Variants in TCF12 observed in about 807,000 individuals in gnomAD.
TCF12 encodes DNA-binding protein HTF4.
A neutral mutation model predicts 86.0 loss-of-function variants in TCF12; 45 were observed. The ratio of observed to expected loss-of-function variants is 0.52; its 90% CI spans 0.41 to 0.67. The LOEUF is 0.67. Ranked by LOEUF, TCF12 falls within the 30% of genes least tolerant of loss-of-function variation. The pLI is 0.00. For missense variants in TCF12, 881 were observed against 859.9 expected, an observed-to-expected ratio of 1.02 and a Z score of -0.31; for synonymous variants, 330 against 299.6, an observed-to-expected ratio of 1.10 and a Z score of -1.05.
At chr15:56,997,139 A>G (rs1224485921) in intron 3 of TCF12, among the ~76,000 whole-genome samples, 2 of 152,178 alleles carry the variant, frequency 1.3e-5, no homozygotes, top group African/African-American at 4.8e-5. Flanking sequence ...ACTCAAAGGA[A>G]AATAAATTGT....
intron 8 of TCF12, among the ~76,000 whole-genome samples, chr15:57,215,742 T>C (rs1262793421): frequency 1.3e-5 from 2 of 152,188 alleles, no homozygotes; most frequent in African/African-American, 2.4e-5. Flanking sequence ...CTATTTAGAA[T>C]TTTGTGTTAC....
At position 57,231,166 on chromosome 15, in the gene TCF12, C is replaced by G. The variant is rs1230360760; in HGVS notation, c.594C>G (p.Ser198=). 1.9e-6 allele frequency: 3 copies of G among 1,612,236 alleles called. No individual in the cohort carries two copies. Among genetic ancestry groups the G allele is most frequent in the Non-Finnish European group, 1.7e-6 (2 of 1,178,708 alleles). Residue 198 remains serine (S), a synonymous_variant, in exon 9 of 21, where the codon TCC becomes TCG. Coordinates refer to ENST00000333725, the MANE Select transcript of TCF12 (RefSeq NM_207037.2). ...TTAATTTTAAGGTATATGCACCATC[C>G]CCAAATTCAGATGATTTCAACCGTG... ...PGLPSSVYAP[S]PNSDDFNRES...
At position 57,253,332 on chromosome 15, in the gene TCF12, G is replaced by C; in HGVS notation, c.1331G>C (p.Gly444Ala). Residue 444 changes from glycine (G) to alanine (A), a missense_variant, in exon 16 of 21, where the codon GGA (glycine) becomes GCA (alanine). This residue lies in a region of TCF12 where 766 missense variants were observed against 718.9 expected (regional missense o/e 1.07). Transcript: ENST00000333725. ...AIHVLRNHAVGPSTSLPAGHS... is the reference protein window; with the variant it reads ...AIHVLRNHAVAPSTSLPAGHS... ...CATGTGCTGCGGAACCATGCTGTGG[G>C]ACCTTCCACCAGTTTGCCTGCTGGT... is the stretch of plus-strand genomic sequence containing the variant. 1 of 1,614,002 alleles carries C rather than the reference G, an allele frequency of 6.2e-7. No individual in the cohort carries two copies. The highest frequency in any genetic ancestry group is 8.5e-7 in the Non-Finnish European group (1 of 1,179,958).
chr15:57,090,774 C>T (rs1427967902), intron 4 of TCF12, among the ~76,000 whole-genome samples: 1 of 152,024 alleles, frequency 6.6e-6, no homozygotes, highest in Non-Finnish European at 1.5e-5. Flanking sequence ...GCTTCGTATA[C>T]GTTTTTCCGG....
intron 8 of TCF12, among the ~76,000 whole-genome samples, chr15:57,228,268 A>G (rs2058977585): frequency 6.6e-6 from 1 of 152,122 alleles, no homozygotes; most frequent in Admixed American, 6.6e-5. Context: ...TTTGCAAGCT[A>G]TAGTTAAGAT....
intron 3 of TCF12, among the ~76,000 whole-genome samples, chr15:56,957,167 C>G (rs1169680055): frequency 6.6e-6 from 1 of 152,176 alleles, no homozygotes; most frequent in African/African-American, 2.4e-5. Flanking sequence ...CTTGGATATC[C>G]AAGCCTCTAC....
intron 5 of TCF12, among the ~76,000 whole-genome samples, chr15:57,153,839 T>G (rs1423124249): frequency 6.6e-6 from 1 of 151,372 alleles, no homozygotes; most frequent in Non-Finnish European, 1.5e-5. Context: ...TGGGGCAACA[T>G]AGCAAGACTC....
At chr15:57,225,666 T>C (rs1207179244) in intron 8 of TCF12, among the ~76,000 whole-genome samples, 1 of 152,182 alleles carries the variant, frequency 6.6e-6, no homozygotes, top group Non-Finnish European at 1.5e-5. Context: ...GAAATGTCTT[T>C]AATTTTCTCT....
In TCF12 at chr15:57,194,157, G is replaced by GA. The variant is rs2057127309; in HGVS notation, c.526+1869dup. On this transcript the variant is annotated intron_variant, in intron 7 of 20. Coordinates refer to ENST00000333725, the MANE Select transcript of TCF12 (RefSeq NM_207037.2). The stretch of plus-strand genomic sequence containing the variant: ...CTAGGGAAGAGGGGAGTAAATTTCA[G>GA]AAAAATCCAGACTTAAAATTCAGGT... Among the ~76,000 whole-genome samples the GA allele has an allele frequency of 3.3e-5, 5 of 152,150 alleles. No homozygotes were observed. The South Asian group carries it at 8.3e-4, about 25-fold the overall frequency.
intron 3 of TCF12, among the ~76,000 whole-genome samples, chr15:56,973,757 A>G (rs1416027695): frequency 1.3e-5 from 2 of 152,178 alleles, no homozygotes; most frequent in Non-Finnish European, 1.5e-5. Flanking sequence ...GTAACTTTAC[A>G]GTGGAGAAAT....
intron 11 of TCF12, among the ~76,000 whole-genome samples, chr15:57,233,201 C>G (rs1167604646): frequency 1.3e-5 from 2 of 151,032 alleles, no homozygotes; most frequent in African/African-American, 2.4e-5. Context: ...GAGACAGAGT[C>G]TCTCTCTCTC....
intron 16 of TCF12, among the ~76,000 whole-genome samples, chr15:57,260,062 T>C (rs2060519520): frequency 6.6e-6 from 1 of 152,226 alleles, no homozygotes; most frequent in Admixed American, 6.5e-5. Context: ...TTTAAAGGCT[T>C]ATATTTTTGC....
intron 5 of TCF12, among the ~76,000 whole-genome samples, chr15:57,112,408 C>T (rs2050553099): frequency 6.6e-6 from 1 of 152,196 alleles, no homozygotes; most frequent in Non-Finnish European, 1.5e-5. Context: ...GGAAGGAACA[C>T]TACTCTTTGG....
At chr15:57,088,002 C>G (rs558997768) in intron 4 of TCF12, among the ~76,000 whole-genome samples, 6 of 152,282 alleles carry the variant, frequency 3.9e-5, no homozygotes, top group Non-Finnish European at 8.8e-5. Flanking sequence ...AGCATAGTAA[C>G]TTTCTATCAA....
At chr15:57,138,145 A>C (rs1413757894) in intron 5 of TCF12, among the ~76,000 whole-genome samples, 1 of 152,226 alleles carries the variant, frequency 6.6e-6, no homozygotes, top group African/African-American at 2.4e-5. Context: ...GCAAAAGAGA[A>C]GAATTTCCAG....
At chr15:57,047,649 T>C (rs929453753) in intron 3 of TCF12, among the ~76,000 whole-genome samples, 1 of 152,208 alleles carries the variant, frequency 6.6e-6, no homozygotes, top group Non-Finnish European at 1.5e-5. Flanking sequence ...TGAGAGAAAA[T>C]ATTTTTGAAA....
intron 3 of TCF12, among the ~76,000 whole-genome samples, chr15:57,025,525 A>G (rs1596183194): frequency 2.0e-5 from 3 of 152,116 alleles, no homozygotes; most frequent in African/African-American, 7.2e-5. Context: ...AATAATCCTC[A>G]GTCTGGAAAT....
At chr15:57,130,916 G>T (rs2052064374) in intron 5 of TCF12, among the ~76,000 whole-genome samples, 1 of 152,148 alleles carries the variant, frequency 6.6e-6, no homozygotes, top group Non-Finnish European at 1.5e-5. Context: ...CACAAAATTG[G>T]TAAGTCATGG....
At chr15:57,198,828 C>T (rs774355033) in intron 8 of TCF12, among the ~76,000 whole-genome samples, 7 of 152,116 alleles carry the variant, frequency 4.6e-5, no homozygotes, top group Admixed American at 3.9e-4. Context: ...ATGGAATATC[C>T]GGCTTGGCAA....
Sources: allele counts gnomAD v4.1 joint callset (sites outside exome capture counted in the v4.1 genomes callset), GRCh38; gene constraint gnomAD v4.1.1; regional missense constraint gnomAD v4.1.1; transcripts MANE v1.5; gene names NCBI Gene and HGNC (gene_info 2026-07-23, HGNC 2026-07-21).